The following TTC7B variants were observed in gnomAD, a reference collection of about 807,000 sequenced individuals.
The protein encoded by TTC7B is tetratricopeptide repeat protein 7B.
TTC7B carries 28 observed loss-of-function variants against 106.8 expected under a neutral mutation model. The ratio of observed to expected loss-of-function variants is 0.26; its 90% CI spans 0.19 to 0.36. The LOEUF is 0.36. Ranked by LOEUF, TTC7B falls within the 10% of genes least tolerant of loss-of-function variation. The pLI is 1.00. For missense variants in TTC7B, 862 were observed against 1,076.4 expected, an observed-to-expected ratio of 0.80 and a Z score of 2.79; for synonymous variants, 405 against 430.6, an observed-to-expected ratio of 0.94 and a Z score of 0.74.
At chr14:90,669,488 C>T (rs1180124687) in intron 9 of TTC7B, among the ~76,000 whole-genome samples, 1 of 146,342 alleles carries the variant, frequency 6.8e-6, no homozygotes, top group Non-Finnish European at 1.5e-5. Flanking sequence ...CACTTGAGGC[C>T]AAGAGTCTGA....
chr14:90,741,966 GAAATTTGA>G (rs761345061), intron 4 of TTC7B, among the ~76,000 whole-genome samples: 2 of 152,206 alleles, frequency 1.3e-5, no homozygotes, highest in African/African-American at 2.4e-5. Context: ...ATCAGAGCCA[GAAATTTGA>G]AAATCGTGTA....
At chr14:90,795,960 C>G (rs1036147485) in intron 1 of TTC7B, among the ~76,000 whole-genome samples, 2 of 152,186 alleles carry the variant, frequency 1.3e-5, no homozygotes, top group African/African-American at 4.8e-5. Context: ...ATCTCCATCT[C>G]ACAAACAGGG....
chr14:90,767,028 C>CAA lies in TTC7B; in HGVS notation c.445+13708_445+13709dup, dbSNP rs71301958. 4.3e-3 allele frequency: 2,236 copies of CAA among 523,684 alleles called. 6 individuals carry two copies. The highest frequency in any genetic ancestry group is 0.015 in the African/African-American group (504 of 33,984). 32.4% of individuals were successfully genotyped at this position (523,684 alleles called of 1,614,324 possible). On this transcript the variant is annotated intron_variant, in intron 3 of 19. Transcript: ENST00000328459. Reference sequence around the variant, plus strand: ...GTCTGTTAATAAATAGTTTATATACCAAAAAAAAAAAAAAAAAGAAAGAAA... The same window carrying CAA: ...GTCTGTTAATAAATAGTTTATATACCAAAAAAAAAAAAAAAAAAAGAAAGAAA...
rs1169500399 is a variant in TTC7B, at chr14:90,540,210, G to A, written c.*1158C>T. 1 of 152,254 alleles carries A rather than the reference G, an allele frequency of 6.6e-6. No homozygotes were observed. Among genetic ancestry groups the A allele is most frequent in the East Asian group, 1.9e-4 (1 of 5,196 alleles). 9.4% of individuals were successfully genotyped at this position (152,254 alleles called of 1,614,324 possible). ...AGGCTGAGGCGGGAGGGCTGCTTGA[G>A]TCCAGGAGTTCAGGACCAGCCTGGG... On this transcript the variant is annotated 3_prime_UTR_variant, in exon 20 of 20. Coordinates refer to ENST00000328459, the MANE Select transcript of TTC7B (RefSeq NM_001010854.2).
intron 19 of TTC7B, among the ~76,000 whole-genome samples, chr14:90,560,260 A>C (rs987002805): frequency 1.3e-5 from 2 of 152,230 alleles, no homozygotes; most frequent in African/African-American, 4.8e-5. Flanking sequence ...CACTTCCACC[A>C]TGGCCGATTC....
chr14:90,606,768 G>A (rs2139836928), intron 17 of TTC7B, among the ~76,000 whole-genome samples: 1 of 152,322 alleles, frequency 6.6e-6, no homozygotes, highest in South Asian at 2.1e-4. Context: ...ATTAGCTACA[G>A]TGGACTTGGC....
At chr14:90,734,940 C>T (rs1028051159) in intron 4 of TTC7B, among the ~76,000 whole-genome samples, 2 of 152,190 alleles carry the variant, frequency 1.3e-5, no homozygotes, top group African/African-American at 4.8e-5. Flanking sequence ...TGCGCCACCA[C>T]GCCCAGCTAA....
At chr14:90,703,323 T>TA (rs1219559137) in intron 5 of TTC7B, among the ~76,000 whole-genome samples, 1 of 152,116 alleles carries the variant, frequency 6.6e-6, no homozygotes, top group Non-Finnish European at 1.5e-5. Context: ...CAAAGTCACA[T>TA]AGGAAAAGAA....
intron 17 of TTC7B, 142 bp from the exon 18 acceptor site, chr14:90,593,768 C>A (rs73326810): frequency 1.3e-5 from 10 of 783,804 alleles, no homozygotes; most frequent in African/African-American, 1.8e-5. Context: ...CAGAGAAACG[C>A]GGGCAATCAC....
At chr14:90,706,340 T>C (rs111242328) in intron 5 of TTC7B, among the ~76,000 whole-genome samples, 11 of 152,056 alleles carry the variant, frequency 7.2e-5, no homozygotes, top group Admixed American at 7.2e-4. Context: ...TTTTTTTGTA[T>C]TTTTAGTAGA....
chr14:90,533,234 C>T lies in TTC7B; in HGVS notation c.*8134G>A, dbSNP rs1046016299. On this transcript the variant is annotated 3_prime_UTR_variant, in exon 20 of 20. Transcript: ENST00000328459. ...GACCAAGTGGGACAGGGATGCATGACCCTCCTCAGGCCTTGGCTGGACCCA... is the reference window on the plus strand; with the variant it reads ...GACCAAGTGGGACAGGGATGCATGATCCTCCTCAGGCCTTGGCTGGACCCA... 3 of 152,308 alleles carry T rather than the reference C, an allele frequency of 2.0e-5. No homozygotes were observed. Among genetic ancestry groups the T allele is most frequent in the Non-Finnish European group, 2.9e-5 (2 of 68,140 alleles). 9.4% of individuals were successfully genotyped at this position (152,308 alleles called of 1,614,324 possible). A position where few individuals can be genotyped will look rare whatever the true frequency, so the allele number is the denominator to read the frequency against.
intron 3 of TTC7B, chr14:90,766,415 C>A (rs565249299): frequency 1.3e-5 from 7 of 533,252 alleles, no homozygotes; most frequent in Non-Finnish European, 2.4e-5. Flanking sequence ...TGGTGAAAGT[C>A]AAGAAAATGA....
At chr14:90,549,538 G>T (rs1308763537) in intron 19 of TTC7B, among the ~76,000 whole-genome samples, 1 of 152,200 alleles carries the variant, frequency 6.6e-6, no homozygotes, top group East Asian at 1.9e-4. Context: ...GGGGCTCAGG[G>T]TGTAGGTGAG....
intron 15 of TTC7B, among the ~76,000 whole-genome samples, chr14:90,637,380 T>C (rs776524468): frequency 1.9e-4 from 24 of 127,096 alleles, no homozygotes; most frequent in Non-Finnish European, 3.4e-4. Flanking sequence ...TTAAAAAGCA[T>C]CAGAAATCTT....
chr14:90,606,605 C>T (rs1892650061), intron 17 of TTC7B, among the ~76,000 whole-genome samples: 1 of 152,158 alleles, frequency 6.6e-6, no homozygotes, highest in Non-Finnish European at 1.5e-5. Context: ...AAGACTGTCA[C>T]TCTATTTGAG....
chr14:90,688,381 T>G (rs1026522621), intron 7 of TTC7B, among the ~76,000 whole-genome samples: 2 of 152,010 alleles, frequency 1.3e-5, no homozygotes, highest in African/African-American at 2.4e-5. Context: ...TCCCAGCACT[T>G]TGGGAGGACA....
rs1264768218 is a variant in TTC7B at position 90,807,676 on chromosome 14, C to A, written c.121+8499G>T. On this transcript the variant is annotated intron_variant, in intron 1 of 19. Coordinates refer to ENST00000328459, the MANE Select transcript of TTC7B (RefSeq NM_001010854.2). This position sits in a 1 kb window ranked among gnomAD's most constrained non-coding sequence, Gnocchi z 4.1. ...CCATTGTGGTTCAGAGCAAAGGCTC[C>A]CACACTTGCCTACTCAAACTAACTG... Among the ~76,000 whole-genome samples, 1 of 152,202 alleles carries A rather than the reference C, an allele frequency of 6.6e-6. No individual in the cohort carries two copies.
chr14:90,649,596 G>C (rs1332258951), intron 13 of TTC7B, among the ~76,000 whole-genome samples: 1 of 152,132 alleles, frequency 6.6e-6, no homozygotes. Flanking sequence ...ATACCTAAAA[G>C]ACCTAAAAAT....
chr14:90,655,973 G>A (rs745467), intron 11 of TTC7B, among the ~76,000 whole-genome samples: 11,536 of 152,086 alleles, frequency 0.076, 667 homozygotes, highest in Admixed American at 0.18. Context: ...GAACTGGCAC[G>A]TTCCAAATGC....
Sources: gnomAD v4.1 joint callset for allele counts (sites outside exome capture counted in the v4.1 genomes callset) on GRCh38, gnomAD v4.1.1 for gene constraint, Gnocchi (gnomAD v3.1) non-coding constraint, MANE v1.5 for transcripts, NCBI Gene and HGNC (gene_info 2026-07-23, HGNC 2026-07-21) for gene names.